PIEZO2: variants seen among roughly 807,000 people sequenced by gnomAD.
PIEZO2 encodes piezo type mechanosensitive ion channel component 2, also known as piezo-type mechanosensitive ion channel component 2.
PIEZO2 carries 172 observed loss-of-function variants against 337.3 expected under a neutral mutation model. The ratio of observed to expected loss-of-function variants is 0.51; its 90% CI spans 0.45 to 0.58. PIEZO2 has a LOEUF of 0.58. Among genes scored for constraint, PIEZO2 ranks in the 20% least tolerant of loss-of-function variants. The pLI is 0.00. For missense variants in PIEZO2, 3,028 were observed against 3,391.3 expected (o/e 0.89, Z 2.66); for synonymous variants, 1,251 against 1,228.5 (o/e 1.02, Z -0.38).
chr18:10,900,373 T>C (rs1392010655), intron 4 of PIEZO2, among the ~76,000 whole-genome samples: 2 of 152,210 alleles, frequency 1.3e-5, no homozygotes, highest in Non-Finnish European at 2.9e-5. Flanking sequence ...ATCACATACA[T>C]GTAAAAGCTT....
chr18:10,771,879 A>T (rs1238105829), intron 20 of PIEZO2, among the ~76,000 whole-genome samples: 2 of 152,188 alleles, frequency 1.3e-5, no homozygotes, highest in Non-Finnish European at 2.9e-5. Flanking sequence ...GTCAATTAAT[A>T]GCTGTCTCAG....
chr18:10,979,876 T>C lies in PIEZO2; in HGVS notation c.161-216A>G, dbSNP rs1457425540. ...GGGTTTATATTTATTAAAAATTCAC[T>C]GTAAAAGAAGGATAATTTCCTATTT... On this transcript the variant is annotated intron_variant, in intron 2 of 55. Coordinates refer to ENST00000674853, the MANE Select transcript of PIEZO2 (RefSeq NM_001378183.1). The surrounding 1 kb of genome is among the most constrained non-coding windows in gnomAD (Gnocchi z 4.0). 2.0e-5 allele frequency among the ~76,000 whole-genome samples: 3 copies of C among 152,208 alleles called. No homozygotes were observed. Among genetic ancestry groups the C allele is most frequent in the Non-Finnish European group, 4.4e-5 (3 of 68,022 alleles).
At chr18:10,886,323 C>CATATATATATAT (rs58335722) in intron 4 of PIEZO2, among the ~76,000 whole-genome samples, 47 of 26,354 alleles carry the variant, frequency 1.8e-3, no homozygotes, top group African/African-American at 0.012. Context: ...CCTATACATA[C>CATATATATATAT]ATATATATAT....
chr18:10,885,406 A>G (rs1352984611), intron 4 of PIEZO2, among the ~76,000 whole-genome samples: 2 of 152,188 alleles, frequency 1.3e-5, no homozygotes, highest in Non-Finnish European at 2.9e-5. Context: ...CCTGGACGAC[A>G]GAGCGAGACT....
chr18:11,133,848 T>C (rs999113719), intron 1 of PIEZO2, among the ~76,000 whole-genome samples: 2 of 151,380 alleles, frequency 1.3e-5, no homozygotes. Flanking sequence ...TATATATATA[T>C]ACACTTAATA....
rs1028312596 is a variant in PIEZO2, at chr18:10,863,281, A to G, written c.493-6070T>C. On this transcript the variant is annotated intron_variant, in intron 5 of 55. Transcript: ENST00000674853. The surrounding 1 kb of genome is among the most constrained non-coding windows in gnomAD (Gnocchi z 4.3). ...CCCTTGTGAAAGGAAGCAGTGAGGG[A>G]AAAAAAGATAGATGTGTTTGAATGC... is the stretch of plus-strand genomic sequence containing the variant. Among the ~76,000 whole-genome samples, 1 of 152,212 alleles carries G rather than the reference A, an allele frequency of 6.6e-6. No individual in the cohort carries two copies. The highest frequency in any genetic ancestry group is 1.5e-5 in the Non-Finnish European group (1 of 68,032).
chr18:10,935,826 C>A (rs765476367), intron 3 of PIEZO2, among the ~76,000 whole-genome samples: 1 of 152,192 alleles, frequency 6.6e-6, no homozygotes, highest in Non-Finnish European at 1.5e-5. Context: ...AGCAACGCTC[C>A]GGCAGTGGCT....
intron 2 of PIEZO2, among the ~76,000 whole-genome samples, chr18:11,064,107 A>C (rs1336890131): frequency 6.6e-6 from 1 of 152,164 alleles, no homozygotes; most frequent in African/African-American, 2.4e-5. Context: ...GGCCACACTC[A>C]AAACTGTCCT....
chr18:11,081,453 C>T (rs1442988237), intron 1 of PIEZO2, among the ~76,000 whole-genome samples: 1 of 152,170 alleles, frequency 6.6e-6, no homozygotes, highest in Admixed American at 6.5e-5. Flanking sequence ...CTCAAGGTAA[C>T]TTCACAAAAA....
In PIEZO2 at chr18:11,002,634, C is replaced by T. The variant is rs924705663; in HGVS notation, c.161-22974G>A. ...TCAGAGCTCAATTTGTAAAGATATG[C>T]CTAATATTCTTAATATTATGAGACA... On this transcript the variant is annotated intron_variant, in intron 2 of 55. Transcript: ENST00000674853. This position sits in a 1 kb window ranked among gnomAD's most constrained non-coding sequence, Gnocchi z 4.3. Among the ~76,000 whole-genome samples the T allele has an allele frequency of 3.3e-5, 5 of 152,148 alleles. No homozygotes were observed. The highest frequency in any genetic ancestry group is 6.5e-5 in the Admixed American group (1 of 15,276).
At chr18:11,054,103 A>G (rs1271649445) in intron 2 of PIEZO2, among the ~76,000 whole-genome samples, 1 of 152,240 alleles carries the variant, frequency 6.6e-6, no homozygotes, top group Non-Finnish European at 1.5e-5. Flanking sequence ...TTAATTATAC[A>G]TTAGTTAATA....
intron 35 of PIEZO2, among the ~76,000 whole-genome samples, chr18:10,734,639 C>T (rs560649510): frequency 6.6e-6 from 1 of 152,312 alleles, no homozygotes; most frequent in Non-Finnish European, 1.5e-5. Context: ...ATAACTTCAA[C>T]TGTGCATTAG....
chr18:10,777,518 A>T (rs888964997), intron 18 of PIEZO2, among the ~76,000 whole-genome samples: 1 of 152,220 alleles, frequency 6.6e-6, no homozygotes, highest in African/African-American at 2.4e-5. Context: ...TATGCACTGG[A>T]GATACATCCT....
At chr18:10,693,705 T>C (rs2034963035) in intron 47 of PIEZO2, among the ~76,000 whole-genome samples, 1 of 151,506 alleles carries the variant, frequency 6.6e-6, no homozygotes, top group South Asian at 2.1e-4. Context: ...TTTGCTGGCC[T>C]GGGATTAGGA....
chr18:10,808,870 C>A (rs1343017533), intron 7 of PIEZO2, among the ~76,000 whole-genome samples: 3 of 152,318 alleles, frequency 2.0e-5, no homozygotes, highest in Non-Finnish European at 2.9e-5. Flanking sequence ...ATCTAAGTGA[C>A]AGCTCTTCCA....
chr18:11,144,918 G>A (rs2040768485), intron 1 of PIEZO2, among the ~76,000 whole-genome samples: 1 of 152,164 alleles, frequency 6.6e-6, no homozygotes, highest in Non-Finnish European at 1.5e-5. Flanking sequence ...GAATAAAATA[G>A]TCAGGAACAT....
At chr18:10,825,896 G>A (rs2040662458) in intron 7 of PIEZO2, among the ~76,000 whole-genome samples, 1 of 152,074 alleles carries the variant, frequency 6.6e-6, no homozygotes, top group South Asian at 2.1e-4. Flanking sequence ...ACAATGCACA[G>A]CCCACACTCA....
rs772709868 is a variant in PIEZO2, at chr18:11,143,180, C to G, written c.64+5345G>C. Among the ~76,000 whole-genome samples, 2 of 152,048 alleles carry G rather than the reference C, an allele frequency of 1.3e-5. No homozygotes were observed. The highest frequency in any genetic ancestry group is 6.5e-5 in the Admixed American group (1 of 15,278). On this transcript the variant is annotated intron_variant, in intron 1 of 55. Transcript: ENST00000674853. The surrounding 1 kb of genome is among the most constrained non-coding windows in gnomAD (Gnocchi z 4.9). ...GACTGATTCCATGTCCTCAAGACAACGGTTTAAATCAAAAATCTTATAAGC... is the reference window on the plus strand; with the variant it reads ...GACTGATTCCATGTCCTCAAGACAAGGGTTTAAATCAAAAATCTTATAAGC...
intron 8 of PIEZO2, 42 bp from the exon 9 acceptor site, chr18:10,804,036 T>A (rs754766485): frequency 6.5e-7 from 1 of 1,530,200 alleles, no homozygotes; most frequent in South Asian, 1.2e-5. Flanking sequence ...CCTGAGGCAG[T>A]TCCCTAGACA....
Sources: gnomAD v4.1 joint callset for allele counts (sites outside exome capture counted in the v4.1 genomes callset) on GRCh38, gnomAD v4.1.1 for gene constraint, Gnocchi (gnomAD v3.1) non-coding constraint, MANE v1.5 for transcripts, NCBI Gene and HGNC (gene_info 2026-07-23, HGNC 2026-07-21) for gene names.